ADCY8: variants seen among roughly 807,000 people sequenced by gnomAD.
ADCY8 encodes the protein adenylate cyclase 8, also known as adenylate cyclase type 8.
Under a neutral mutation model 119.7 loss-of-function variants are expected in ADCY8, and 51 were observed. That is an observed-to-expected ratio of 0.43 (90% CI 0.34 to 0.54). The LOEUF (loss-of-function observed/expected upper bound fraction) is 0.54, where lower values mean the gene tolerates loss of function less well. Among genes scored for constraint, ADCY8 ranks in the 20% least tolerant of loss-of-function variants. ADCY8 has a pLI of 0.03. For synonymous variants in ADCY8, 665 were observed against 651.0 expected (o/e 1.02, Z -0.33); for missense variants, 1,383 against 1,598.8 (o/e 0.87, Z 2.30).
At chr8:130,843,035 C>T (rs903822605) in intron 11 of ADCY8, among the ~76,000 whole-genome samples, 17 of 151,882 alleles carry the variant, frequency 1.1e-4, no homozygotes, top group African/African-American at 4.1e-4. Context: ...CTTGTTAAAT[C>T]CTAGATATTT....
At chr8:130,782,949 AG>A (rs1026060998) in intron 17 of ADCY8, among the ~76,000 whole-genome samples, 4 of 152,162 alleles carry the variant, frequency 2.6e-5, no homozygotes, top group Non-Finnish European at 5.9e-5. Flanking sequence ...ATTGTCTCAG[AG>A]TTAGGAAATG....
chr8:131,035,888 T>G (rs1445086527), intron 1 of ADCY8, among the ~76,000 whole-genome samples: 1 of 152,200 alleles, frequency 6.6e-6, no homozygotes, highest in African/African-American at 2.4e-5. Context: ...AGTTGACAGA[T>G]TTGTATCTAG....
intron 11 of ADCY8, among the ~76,000 whole-genome samples, chr8:130,840,916 C>T: frequency 6.6e-6 from 1 of 152,038 alleles, no homozygotes; most frequent in East Asian, 1.9e-4. Flanking sequence ...ATCACCTTTG[C>T]CTTGGGAAAG....
At chr8:130,915,314 G>A in intron 5 of ADCY8, among the ~76,000 whole-genome samples, 1 of 152,098 alleles carries the variant, frequency 6.6e-6, no homozygotes, top group East Asian at 1.9e-4. Context: ...GCTTCAAAGG[G>A]TTCTTTTTAG....
chr8:131,004,265 G>A (rs1823044647), intron 1 of ADCY8, among the ~76,000 whole-genome samples: 1 of 152,156 alleles, frequency 6.6e-6, no homozygotes, highest in African/African-American at 2.4e-5. Flanking sequence ...CAGGTTGCCT[G>A]TGATCTGCCT....
chr8:130,871,166 AG>A (rs1563704228), intron 8 of ADCY8, among the ~76,000 whole-genome samples: 1 of 152,238 alleles, frequency 6.6e-6, no homozygotes, highest in Non-Finnish European at 1.5e-5. Context: ...GAGATTGATT[AG>A]TGATTCATTT....
At chr8:130,998,498 T>C (rs545361459) in intron 1 of ADCY8, among the ~76,000 whole-genome samples, 1 of 152,126 alleles carries the variant, frequency 6.6e-6, no homozygotes, top group East Asian at 1.9e-4. Context: ...CTCTGAAAGG[T>C]CTCAAAGGGC....
Position 130,822,539 on chromosome 8 carries a change from C to A in ADCY8, c.2676-1119G>T, listed in dbSNP as rs536040733. Among the ~76,000 whole-genome samples, 28 of 19,606 alleles carry A rather than the reference C, an allele frequency of 1.4e-3. No individual in the cohort carries two copies. The East Asian group carries it at 0.029, about 20-fold the overall frequency. The allele number at this position is 19,606 out of a possible 152,430, so 12.9% of individuals were successfully genotyped here. ...CCATGAATCCATGAATCCATGAATC[C>A]ATCCATCCATCCATCCATCCATCCA... On this transcript the variant is annotated intron_variant, in intron 12 of 17. Transcript: ENST00000286355.
At chr8:130,887,334 GA>G (rs1284793215) in intron 7 of ADCY8, among the ~76,000 whole-genome samples, 3 of 152,076 alleles carry the variant, frequency 2.0e-5, no homozygotes, top group Non-Finnish European at 4.4e-5. Context: ...CTTCAAATGA[GA>G]GAGAAATTTA....
intron 2 of ADCY8, among the ~76,000 whole-genome samples, chr8:130,969,322 T>C (rs1250871855): frequency 6.6e-6 from 1 of 152,188 alleles, no homozygotes; most frequent in East Asian, 1.9e-4. Context: ...CAGTTTCCAG[T>C]CTGATGGCTG....
chr8:130,850,782 CCTAACA>C (rs1310501269), intron 9 of ADCY8, among the ~76,000 whole-genome samples: 2 of 152,120 alleles, frequency 1.3e-5, no homozygotes, highest in African/African-American at 4.8e-5. Context: ...ACCTTCTTTT[CCTAACA>C]CCATCTCTTA....
chr8:130,870,100 G>A (rs2130403125), intron 8 of ADCY8, among the ~76,000 whole-genome samples: 1 of 147,874 alleles, frequency 6.8e-6, no homozygotes, highest in South Asian at 2.2e-4. Flanking sequence ...TGCAACCTCT[G>A]TCTCCTGGGT....
chr8:130,840,707 G>A (rs1817112239), intron 11 of ADCY8, among the ~76,000 whole-genome samples: 1 of 152,116 alleles, frequency 6.6e-6, no homozygotes. Context: ...ACAGTAGGTT[G>A]AATACAGTGT....
At chr8:130,815,811 ACAT>A (rs1816320567) in intron 13 of ADCY8, among the ~76,000 whole-genome samples, 1 of 152,226 alleles carries the variant, frequency 6.6e-6, no homozygotes, top group South Asian at 2.1e-4. Context: ...ATTGATGTGA[ACAT>A]CAGTGACCAG....
intron 4 of ADCY8, among the ~76,000 whole-genome samples, chr8:130,943,003 A>G (rs1025643905): frequency 6.6e-5 from 10 of 152,210 alleles, no homozygotes; most frequent in African/African-American, 2.4e-4. Flanking sequence ...ACTGCAGGCC[A>G]TCATTACTGC....
intron 2 of ADCY8, among the ~76,000 whole-genome samples, chr8:130,979,393 G>GT (rs1327540996): frequency 6.6e-6 from 1 of 152,178 alleles, no homozygotes; most frequent in Non-Finnish European, 1.5e-5. Context: ...TTACAGTCCT[G>GT]TTGTGACAAT....
chr8:130,996,311 AT>A (rs1822774003), intron 1 of ADCY8, among the ~76,000 whole-genome samples: 3 of 152,062 alleles, frequency 2.0e-5, no homozygotes. Context: ...CCCATATGGA[AT>A]TTTTATTTGG....
At chr8:130,837,240 G>A (rs1817017169) in intron 11 of ADCY8, among the ~76,000 whole-genome samples, 2 of 152,030 alleles carry the variant, frequency 1.3e-5, no homozygotes, top group South Asian at 2.1e-4. Context: ...GTTCTTTCAT[G>A]GCTCTCCACT....
chr8:130,912,591 T>C (rs1820014973), intron 5 of ADCY8, among the ~76,000 whole-genome samples: 1 of 152,214 alleles, frequency 6.6e-6, no homozygotes. Flanking sequence ...ATCTTTGCAG[T>C]CTCTGTTCTT....
Sources: gnomAD v4.1 joint callset for allele counts (sites outside exome capture counted in the v4.1 genomes callset) on GRCh38, gnomAD v4.1.1 for gene constraint, MANE v1.5 for transcripts, NCBI Gene and HGNC (gene_info 2026-07-23, HGNC 2026-07-21) for gene names.